The following FAM167A variants were observed in gnomAD, a reference collection of about 807,000 sequenced individuals.
FAM167A encodes family with sequence similarity 167 member A, also known as protein FAM167A.
In FAM167A, 23 loss-of-function variants were observed where a neutral mutation model predicts 14.9. That is an observed-to-expected ratio of 1.55 (90% CI 1.11 to 2.19). The LOEUF (loss-of-function observed/expected upper bound fraction) is 2.19. Ranked by LOEUF, FAM167A falls within the 30% of genes most tolerant of loss-of-function variation. The probability of loss-of-function intolerance (pLI) is 0.00; values close to 1 mark genes in which losing one functional copy is unlikely to be tolerated. For missense variants in FAM167A, 401 were observed against 281.5 expected, an observed-to-expected ratio of 1.42 and a Z score of -3.04; for synonymous variants, 174 against 117.7, an observed-to-expected ratio of 1.48 and a Z score of -3.10.
At chr8:11,451,640 TGAC>T (rs1807031557) in intron 1 of FAM167A, among the ~76,000 whole-genome samples, 1 of 152,160 alleles carries the variant, frequency 6.6e-6, no homozygotes, top group Non-Finnish European at 1.5e-5. Flanking sequence ...CATGCCCTGG[TGAC>T]CAGGTGTGAG....
chr8:11,471,382 G>C (rs1807956714), upstream of FAM167A, among the ~76,000 whole-genome samples: 1 of 152,170 alleles, frequency 6.6e-6, no homozygotes, highest in Non-Finnish European at 1.5e-5. Context: ...GGGCAGGTGA[G>C]GGGTTGAGAC....
chr8:11,445,422 C>A, intron 1 of FAM167A: 3 of 985,786 alleles, frequency 3.0e-6, no homozygotes, highest in Non-Finnish European at 3.6e-6. Flanking sequence ...CACCTTACCT[C>A]ACCTCTTCAG....
At chr8:11,437,140 C>G (rs1806074800) in intron 2 of FAM167A, among the ~76,000 whole-genome samples, 1 of 152,204 alleles carries the variant, frequency 6.6e-6, no homozygotes, top group Non-Finnish European at 1.5e-5. Flanking sequence ...TCACAGTTTC[C>G]TATAGCATGG....
At chr8:11,430,344 G>A (rs775194004) in intron 2 of FAM167A, among the ~76,000 whole-genome samples, 2 of 152,216 alleles carry the variant, frequency 1.3e-5, no homozygotes, top group African/African-American at 2.4e-5. Flanking sequence ...GCAGCCACAC[G>A]TGGCCCCTTT....
upstream of FAM167A, among the ~76,000 whole-genome samples, chr8:11,470,952 G>A (rs531106258): frequency 2.0e-5 from 3 of 152,190 alleles, no homozygotes; most frequent in Admixed American, 6.5e-5. Context: ...AGGACAATGA[G>A]GGCCAGCTTT....
intron 1 of FAM167A, among the ~76,000 whole-genome samples, chr8:11,455,432 G>T (rs371197950): frequency 7.1e-6 from 1 of 140,984 alleles, no homozygotes; most frequent in Non-Finnish European, 1.5e-5. Context: ...CTGGGTGTGT[G>T]TGAGTGTGGG....
intron 2 of FAM167A, among the ~76,000 whole-genome samples, chr8:11,426,744 T>A (rs1805195296): frequency 6.6e-6 from 1 of 152,196 alleles, no homozygotes; most frequent in African/African-American, 2.4e-5. Context: ...TGATCAGCCT[T>A]TGGTTGATCA....
intron 1 of FAM167A, among the ~76,000 whole-genome samples, chr8:11,463,544 G>A (rs1475929978): frequency 6.6e-6 from 1 of 152,210 alleles, no homozygotes; most frequent in Non-Finnish European, 1.5e-5. Flanking sequence ...GCCTGGAACT[G>A]TAGCCAGTGC....
At chr8:11,456,125 G>A (rs1362178455) in intron 1 of FAM167A, among the ~76,000 whole-genome samples, 9 of 41,936 alleles carry the variant, frequency 2.1e-4, no homozygotes, top group Non-Finnish European at 3.8e-4. Flanking sequence ...TGTGGGAGGT[G>A]GTTGCCTTGC....
At chr8:11,438,745 C>G in intron 2 of FAM167A, 3 of 350,726 alleles carry the variant, frequency 8.6e-6, no homozygotes, top group Admixed American at 3.9e-5. Context: ...AGGAATCTTC[C>G]TCCTGCAGGG....
At chr8:11,437,467 A>G (rs1806104690) in intron 2 of FAM167A, among the ~76,000 whole-genome samples, 1 of 152,222 alleles carries the variant, frequency 6.6e-6, no homozygotes. Context: ...CACAAAACCA[A>G]GAAGTCTTGG....
chr8:11,438,816 A>G (rs964310584), intron 2 of FAM167A, among the ~76,000 whole-genome samples: 2 of 152,244 alleles, frequency 1.3e-5, no homozygotes, highest in African/African-American at 4.8e-5. Context: ...TTGGGAGAAC[A>G]GAGGCTGGGA....
upstream of FAM167A, among the ~76,000 whole-genome samples, chr8:11,469,163 C>G (rs140993954): frequency 2.4e-3 from 368 of 152,280 alleles, 2 homozygotes; most frequent in Middle Eastern, 0.041. Context: ...TGAAACTTCT[C>G]ATTCCAATAT....
At chr8:11,456,496 G>A (rs1233735490) in intron 1 of FAM167A, among the ~76,000 whole-genome samples, 2 of 114,592 alleles carry the variant, frequency 1.7e-5, no homozygotes, top group African/African-American at 6.9e-5. Flanking sequence ...TGCCCTGATG[G>A]GTGTGTGAGT....
intron 1 of FAM167A, among the ~76,000 whole-genome samples, chr8:11,452,234 A>G (rs1807056611): frequency 6.6e-6 from 1 of 152,210 alleles, no homozygotes; most frequent in Non-Finnish European, 1.5e-5. Flanking sequence ...ATGACAGGCT[A>G]TGCTTGATGA....
At chr8:11,443,948 G>A in intron 2 of FAM167A, 83 bp downstream of exon 2, 4 of 1,482,620 alleles carry the variant, frequency 2.7e-6, no homozygotes, top group Non-Finnish European at 3.7e-6. Flanking sequence ...GGGGTGGGGA[G>A]ACAGACAGAG....
At chr8:11,429,500 G>A (rs1276322765) in intron 2 of FAM167A, among the ~76,000 whole-genome samples, 10 of 152,224 alleles carry the variant, frequency 6.6e-5, no homozygotes, top group Admixed American at 2.6e-4. Context: ...AGCCCCGGCT[G>A]CAGCCGCACA....
At chr8:11,441,774 A>G (rs1389836101) in intron 2 of FAM167A, among the ~76,000 whole-genome samples, 1 of 152,222 alleles carries the variant, frequency 6.6e-6, no homozygotes, top group Non-Finnish European at 1.5e-5. Context: ...TGTAAGAATC[A>G]GAGATCACGG....
chr8:11,442,694 C>A (rs138147452), intron 2 of FAM167A, among the ~76,000 whole-genome samples: 1 of 152,092 alleles, frequency 6.6e-6, no homozygotes, highest in Non-Finnish European at 1.5e-5. Flanking sequence ...ACCTCTTATA[C>A]CCCCCACCAA....
Sources: allele counts gnomAD v4.1 joint callset (sites outside exome capture counted in the v4.1 genomes callset), GRCh38; gene constraint gnomAD v4.1.1; transcripts MANE v1.5; gene names NCBI Gene and HGNC (gene_info 2026-07-23, HGNC 2026-07-21).